Variants in CDK2 observed in about 807,000 individuals in gnomAD.
CDK2 encodes the protein cyclin-dependent kinase 2.
A neutral mutation model predicts 35.0 loss-of-function variants in CDK2; 8 were observed. That is an observed-to-expected ratio of 0.23 (90% CI 0.13 to 0.41). The LOEUF is 0.41. CDK2 is among the 10% of genes least tolerant of loss of function. CDK2 has a pLI of 1.00. For synonymous variants in CDK2, 134 were observed against 137.7 expected (o/e 0.97, Z 0.19); for missense variants, 201 against 367.1 (o/e 0.55, Z 3.70).
chr12:55,967,179 C>A, intron 1 of CDK2, 55 bp downstream of exon 1: 2 of 1,325,626 alleles, frequency 1.5e-6, no homozygotes, highest in Non-Finnish European at 2.1e-6. Flanking sequence ...GATTGTCCCC[C>A]CCAACCCCCC....
chr12:55,971,936 C>T lies in CDK2; in HGVS notation c.*311C>T, dbSNP rs1035872845. 1.8e-5 allele frequency: 5 copies of T among 272,164 alleles called. No homozygotes were observed. The highest frequency in any genetic ancestry group is 4.4e-5 in the African/African-American group (2 of 44,988). The allele number at this position is 272,164 out of a possible 1,614,324, so 16.9% of individuals were successfully genotyped here. On this transcript the variant is annotated 3_prime_UTR_variant, in exon 7 of 7. Coordinates refer to ENST00000266970, the MANE Select transcript of CDK2 (RefSeq NM_001798.5). ...AAGCCTTCCTACACGTTAGATTTGC[C>T]GTACCAATCTCTGAATGCCCCATAA...
At chr12:55,969,738 C>T in intron 5 of CDK2, 162 bp downstream of exon 5, 1 of 467,346 alleles carries the variant, frequency 2.1e-6, no homozygotes, top group Non-Finnish European at 3.8e-6. Context: ...CAACTGTTGC[C>T]CTGATATCAA....
chr12:55,970,646 A>G (rs1421099328), intron 5 of CDK2: 2 of 702,364 alleles, frequency 2.8e-6, no homozygotes, highest in South Asian at 3.0e-5. Context: ...GGAACACAGA[A>G]GAAATGGAAG....
chr12:55,970,876 G>T, intron 5 of CDK2, 168 bp from the exon 6 acceptor site: 1 of 731,958 alleles, frequency 1.4e-6, no homozygotes, highest in Admixed American at 1.9e-5. Flanking sequence ...GACAGATGAA[G>T]GAACTTCATT....
intron 3 of CDK2, 53 bp from the exon 4 acceptor site, chr12:55,968,725 C>T (rs976800013): frequency 1.4e-5 from 19 of 1,407,222 alleles, no homozygotes; most frequent in Non-Finnish European, 1.7e-5. Context: ...CAGAGCAAAC[C>T]CAGTCTGCTC....
chr12:55,969,807 G>A (rs1023858854), intron 5 of CDK2: 1 of 355,812 alleles, frequency 2.8e-6, no homozygotes, highest in African/African-American at 2.1e-5. Flanking sequence ...TCTTATCCCT[G>A]AAATAAGTTA....
intron 5 of CDK2, 26 bp from the exon 6 acceptor site, chr12:55,971,018 G>A: frequency 1.9e-6 from 3 of 1,601,086 alleles, no homozygotes; most frequent in Non-Finnish European, 2.6e-6. Flanking sequence ...CGTGGGTCTT[G>A]GTATTTCCTC....
In CDK2 at chr12:55,971,161, T is replaced by C. The variant is rs1388818306; in HGVS notation, c.706T>C (p.Tyr236His). The change falls in exon 6 of 7, where the codon TAC becomes CAC. Residue 236 changes from tyrosine (Y) to histidine (H), a missense_variant. By Grantham distance (83) the Tyr-to-His change is moderately conservative (BLOSUM62 2). This residue lies in a region of CDK2 where 106 missense variants were observed against 141.3 expected (regional missense o/e 0.75). Coordinates refer to ENST00000266970, the MANE Select transcript of CDK2 (RefSeq NM_001798.5). ...VWPGVTSMPD[Y>H]KPSFPKWARQ... ...GCCAGGAGTTACTTCTATGCCTGAT[T>C]ACAAGCCAAGTTTCCCCAAGTGGGC... 1 of 1,614,102 alleles carries C rather than the reference T, an allele frequency of 6.2e-7. No homozygotes were observed. Among genetic ancestry groups the C allele is most frequent in the Admixed American group, 1.7e-5 (1 of 60,024 alleles).
At chr12:55,971,296 C>G in intron 6 of CDK2, 49 bp downstream of exon 6, 1 of 1,559,596 alleles carries the variant, frequency 6.4e-7, no homozygotes, top group Non-Finnish European at 8.8e-7. Flanking sequence ...CAGGGAAGGG[C>G]TTTTCCAGGA....
chr12:55,971,141 G>A lies in CDK2; in HGVS notation c.686G>A (p.Gly229Glu), dbSNP rs753899985. 1 of 1,614,136 alleles carries A rather than the reference G, an allele frequency of 6.2e-7. No homozygotes were observed. Among genetic ancestry groups the A allele is most frequent in the Middle Eastern group, 1.6e-4 (1 of 6,062 alleles). The change falls in exon 6 of 7, where the codon GGA (glycine) becomes GAA (glutamate). Residue 229 changes from glycine (G) to glutamate (E), a missense_variant. This residue lies in a region of CDK2 where 106 missense variants were observed against 141.3 expected (regional missense o/e 0.75). Transcript: ENST00000266970. Reference protein sequence around the residue: ...LGTPDEVVWPGVTSMPDYKPS... With the variant: ...LGTPDEVVWPEVTSMPDYKPS... ...ACCCCAGATGAGGTGGTGTGGCCAGGAGTTACTTCTATGCCTGATTACAAG... is the reference window on the plus strand; with the variant it reads ...ACCCCAGATGAGGTGGTGTGGCCAGAAGTTACTTCTATGCCTGATTACAAG...
rs1311276337 is a variant in CDK2, at chr12:55,967,949, G to C, written c.194+15G>C. 2 of 1,613,672 alleles carry C rather than the reference G, an allele frequency of 1.2e-6. No homozygotes were observed. Among genetic ancestry groups the C allele is most frequent in the Non-Finnish European group, 1.7e-6 (2 of 1,179,680 alleles). ...AATATTGTCAAGTAAGTATGCGTCT[G>C]AGAGGTGATCCAGCTGGAAAGGAGG... is the stretch of plus-strand genomic sequence containing the variant. On this transcript the variant is annotated intron_variant, in intron 2 of 6. Transcript: ENST00000266970.
chr12:55,967,972 A>C (rs943979756), intron 2 of CDK2, 38 bp downstream of exon 2: 2 of 1,612,876 alleles, frequency 1.2e-6, no homozygotes. Flanking sequence ...GCTGGAAAGG[A>C]GGATAAGTTC....
At chr12:55,967,666 T>C (rs1889364222) in intron 1 of CDK2, 191 bp from the exon 2 acceptor site, 1 of 589,692 alleles carries the variant, frequency 1.7e-6, no homozygotes, top group African/African-American at 1.9e-5. Flanking sequence ...AAAGAGGAGA[T>C]AATGGCCTTA....
chr12:55,971,009 G>C, intron 5 of CDK2, 35 bp from the exon 6 acceptor site: 1 of 1,582,210 alleles, frequency 6.3e-7, no homozygotes, highest in Non-Finnish European at 8.7e-7. Context: ...TGACGTCAAC[G>C]TGGGTCTTGG....
rs548969194 is a variant in CDK2 at position 55,971,232 on chromosome 12, A to T, written c.777A>T (p.Gly259=). 1.2e-5 allele frequency: 19 copies of T among 1,614,068 alleles called. No individual in the cohort carries two copies. In the African/African-American group the frequency reaches 1.7e-4, roughly 15 times the overall value. The change falls in exon 6 of 7, where the codon GGA becomes GGT. Residue 259 remains glycine, a synonymous_variant. Coordinates refer to ENST00000266970, the MANE Select transcript of CDK2 (RefSeq NM_001798.5). ...TTGTACCTCCCCTGGATGAAGATGGACGGAGCTTGTTATCGGTGAGAGTGG... is the reference window on the plus strand; with the variant it reads ...TTGTACCTCCCCTGGATGAAGATGGTCGGAGCTTGTTATCGGTGAGAGTGG... ...SKVVPPLDED[G]RSLLSQMLHY...
At position 55,967,889 on chromosome 12, in the gene CDK2, G is replaced by C; in HGVS notation, c.149G>C (p.Arg50Pro). 6.2e-7 allele frequency: 1 copy of C among 1,614,058 alleles called. No homozygotes were observed. The highest frequency in any genetic ancestry group is 8.5e-7 in the Non-Finnish European group (1 of 1,179,982). Residue 50 changes from arginine (R) to proline (P), a missense_variant, in exon 2 of 7, where the codon CGA becomes CCA. Physicochemically the swap from Arg to Pro is moderately radical, Grantham distance 103. This residue lies in a region of CDK2 where 37 missense variants were observed against 108.4 expected (regional missense o/e 0.34). Transcript: ENST00000266970. ...GAGGGTGTGCCCAGTACTGCCATCC[G>C]AGAGATCTCTCTGCTTAAGGAGCTT... is the stretch of plus-strand genomic sequence containing the variant. ...ETEGVPSTAI[R>P]EISLLKELNH... is the part of the protein sequence containing the mutation.
chr12:55,968,359 T>C (rs1341584261), intron 3 of CDK2, 190 bp downstream of exon 3: 1 of 608,686 alleles, frequency 1.6e-6, no homozygotes, highest in Non-Finnish European at 2.8e-6. Flanking sequence ...GACTGAACAA[T>C]CAAAGTTGAA....
intron 1 of CDK2, 57 bp from the exon 2 acceptor site, chr12:55,967,800 G>C (rs1402776619): frequency 4.2e-6 from 6 of 1,417,682 alleles, no homozygotes; most frequent in Non-Finnish European, 6.0e-6. Context: ...GACTAGGTGG[G>C]GGGGAAAGGA....
rs113293401 is a variant in CDK2 at position 55,966,946 on chromosome 12, G to A, written c.-63G>A. ...CCTCGGCCCCCGAGAGCCAGGGTCC[G>A]CCTTCTGCAGGGTTCCCAGGCCCCC... On this transcript the variant is annotated 5_prime_UTR_variant, in exon 1 of 7. Coordinates refer to ENST00000266970, the MANE Select transcript of CDK2 (RefSeq NM_001798.5). 1 of 1,339,320 alleles carries A rather than the reference G, an allele frequency of 7.5e-7. No individual in the cohort carries two copies. The highest frequency in any genetic ancestry group is 1.0e-6 in the Non-Finnish European group (1 of 954,370). The allele number at this position is 1,339,320 out of a possible 1,614,324, so 83.0% of individuals were successfully genotyped here. A position where few individuals can be genotyped will look rare whatever the true frequency, so the allele number is the denominator to read the frequency against.
Sources: gnomAD v4.1 joint callset for allele counts on GRCh38, gnomAD v4.1.1 for gene constraint, gnomAD v4.1.1 regional missense constraint, MANE v1.5 for transcripts, NCBI Gene and HGNC (gene_info 2026-07-23, HGNC 2026-07-21) for gene names.